Variants in CDK19 observed in about 807,000 individuals in gnomAD.
CDK19 encodes the protein cyclin dependent kinase 19.
CDK19 carries 20 observed loss-of-function variants against 68.3 expected under a neutral mutation model. That is an observed-to-expected ratio of 0.29 (90% CI 0.21 to 0.43). The LOEUF (loss-of-function observed/expected upper bound fraction) is 0.43. Among genes scored for constraint, CDK19 ranks in the 20% least tolerant of loss-of-function variants. CDK19 has a pLI of 1.00. For missense variants in CDK19, 339 were observed against 623.5 expected, an observed-to-expected ratio of 0.54 and a Z score of 4.86; for synonymous variants, 221 against 222.8, an observed-to-expected ratio of 0.99 and a Z score of 0.07.
intron 4 of CDK19, among the ~76,000 whole-genome samples, chr6:110,640,692 T>C (rs185302380): frequency 3.7e-4 from 56 of 152,318 alleles, no homozygotes; most frequent in African/African-American, 1.3e-3. Context: ...GGCTCAAACC[T>C]GTAATCCCAG....
chr6:110,756,311 A>G (rs1392848971), intron 1 of CDK19, among the ~76,000 whole-genome samples: 1 of 150,874 alleles, frequency 6.6e-6, no homozygotes, highest in Admixed American at 6.6e-5. Context: ...AATTACTTGA[A>G]CTCGGGAGGC....
At chr6:110,620,873 C>T (rs1269622467) in intron 12 of CDK19, among the ~76,000 whole-genome samples, 1 of 152,102 alleles carries the variant, frequency 6.6e-6, no homozygotes, top group Non-Finnish European at 1.5e-5. Context: ...AGGATGGGGG[C>T]ACTGGCCTCC....
chr6:110,799,387 C>T (rs1049566928), intron 1 of CDK19, among the ~76,000 whole-genome samples: 2 of 151,920 alleles, frequency 1.3e-5, no homozygotes, highest in African/African-American at 4.8e-5. Context: ...GTATGCGGAC[C>T]ATGTGGTTGG....
intron 1 of CDK19, among the ~76,000 whole-genome samples, chr6:110,757,822 A>G (rs1778936687): frequency 6.6e-6 from 1 of 152,202 alleles, no homozygotes; most frequent in Non-Finnish European, 1.5e-5. Flanking sequence ...TTCTAAAGTA[A>G]ACTTTTCTGC....
chr6:110,743,600 C>T (rs566814263), intron 2 of CDK19, among the ~76,000 whole-genome samples: 1 of 152,126 alleles, frequency 6.6e-6, no homozygotes, highest in African/African-American at 2.4e-5. Context: ...CAAGATTGCA[C>T]TACTGCAACC....
chr6:110,790,301 G>A (rs901436901), intron 1 of CDK19, among the ~76,000 whole-genome samples: 5 of 151,746 alleles, frequency 3.3e-5, no homozygotes, highest in South Asian at 2.1e-4. Context: ...TTTGGGAGGC[G>A]GAGGCAGGTA....
intron 2 of CDK19, among the ~76,000 whole-genome samples, chr6:110,699,713 A>G (rs1773828192): frequency 6.6e-6 from 1 of 152,214 alleles, no homozygotes; most frequent in Non-Finnish European, 1.5e-5. Context: ...GTACCCCACA[A>G]GCTATTCAAA....
At chr6:110,747,336 A>G (rs1172381576) in intron 1 of CDK19, among the ~76,000 whole-genome samples, 14 of 152,154 alleles carry the variant, frequency 9.2e-5, no homozygotes, top group Admixed American at 1.3e-4. Flanking sequence ...TTCCCTCACA[A>G]TGAGTTTGAA....
intron 1 of CDK19, among the ~76,000 whole-genome samples, chr6:110,769,152 C>CAAA (rs536664282): frequency 0.016 from 787 of 50,204 alleles, 38 homozygotes; most frequent in East Asian, 0.022. Context: ...GACTCTGTCT[C>CAAA]AAAAAAAAAA....
intron 2 of CDK19, among the ~76,000 whole-genome samples, chr6:110,677,643 T>C (rs1568797): frequency 0.036 from 5,366 of 150,480 alleles, 303 homozygotes; most frequent in African/African-American, 0.13. Context: ...ACTGGCAACA[T>C]GGTAGGGTAA....
intron 1 of CDK19, among the ~76,000 whole-genome samples, chr6:110,762,904 A>G (rs887739704): frequency 6.6e-6 from 1 of 152,196 alleles, no homozygotes; most frequent in African/African-American, 2.4e-5. Flanking sequence ...AATACCTTGG[A>G]GCTAACAATC....
At position 110,621,240 on chromosome 6, in the gene CDK19, G is replaced by A; in HGVS notation, c.1241C>T (p.Ala414Val). ...CCCTGCTCCGGTGCCCCCGACCCCGGCCCCAGCCCCACCTGCGGTCCCGTT... is the reference window on the plus strand; with the variant it reads ...CCCTGCTCCGGTGCCCCCGACCCCGACCCCAGCCCCACCTGCGGTCCCGTT... ...QTNGTAGGAG[A>V]GVGGTGAGLQ... Residue 414 changes from alanine to valine, a missense_variant, in exon 12 of 13, where the codon GCC becomes GTC. By Grantham distance (64) the Ala-to-Val change is moderately conservative. This residue lies in a region of CDK19 where 155 missense variants were observed against 222.7 expected (regional missense o/e 0.70). Transcript: ENST00000368911. This position sits in a 1 kb window ranked among gnomAD's most constrained non-coding sequence, Gnocchi z 5.4. The A allele has an allele frequency of 1.9e-6, 3 of 1,613,028 alleles. No individual in the cohort carries two copies. The highest frequency in any genetic ancestry group is 2.2e-5 in the South Asian group (2 of 91,024).
chr6:110,698,408 G>A (rs1489259566), intron 2 of CDK19, among the ~76,000 whole-genome samples: 1 of 151,898 alleles, frequency 6.6e-6, no homozygotes, highest in African/African-American at 2.4e-5. Context: ...TGAAAAAAAT[G>A]CTCAACATCA....
At chr6:110,617,627 AAATAAT>A (rs1283473106) in intron 12 of CDK19, among the ~76,000 whole-genome samples, 2 of 147,624 alleles carry the variant, frequency 1.4e-5, no homozygotes, top group East Asian at 2.0e-4. Context: ...TTACTTAAAA[AAATAAT>A]AATAATAATA....
At chr6:110,718,079 G>A (rs1004503691) in intron 2 of CDK19, among the ~76,000 whole-genome samples, 1 of 152,140 alleles carries the variant, frequency 6.6e-6, no homozygotes, top group African/African-American at 2.4e-5. Context: ...CAGAGAGCAA[G>A]CCCTCACCAG....
intron 1 of CDK19, among the ~76,000 whole-genome samples, chr6:110,810,809 G>A (rs971026785): frequency 6.6e-6 from 1 of 151,760 alleles, no homozygotes; most frequent in Non-Finnish European, 1.5e-5. Context: ...AAAAGCAGCA[G>A]CTACATGTAG....
intron 2 of CDK19, among the ~76,000 whole-genome samples, chr6:110,695,052 G>C (rs1184067195): frequency 6.6e-6 from 1 of 152,096 alleles, no homozygotes; most frequent in Non-Finnish European, 1.5e-5. Context: ...AGGACACAGA[G>C]GTTGCAGTGA....
At chr6:110,639,249 T>G (rs570431544) in intron 4 of CDK19, among the ~76,000 whole-genome samples, 2 of 152,290 alleles carry the variant, frequency 1.3e-5, no homozygotes, top group African/African-American at 4.8e-5. Context: ...AAACCAAGGC[T>G]AATACAGAAC....
chr6:110,746,757 A>G (rs1244107372), intron 1 of CDK19, among the ~76,000 whole-genome samples: 3 of 152,182 alleles, frequency 2.0e-5, no homozygotes, highest in Admixed American at 2.0e-4. Flanking sequence ...AGCCACCAAC[A>G]TGTCATTCTC....
Sources: gnomAD v4.1 joint callset for allele counts (sites outside exome capture counted in the v4.1 genomes callset) on GRCh38, gnomAD v4.1.1 for gene constraint, gnomAD v4.1.1 regional missense constraint, Gnocchi (gnomAD v3.1) non-coding constraint, MANE v1.5 for transcripts, NCBI Gene and HGNC (gene_info 2026-07-23, HGNC 2026-07-21) for gene names.